The following SMARCB1 variants were observed in gnomAD, a reference collection of about 807,000 sequenced individuals.
SMARCB1 encodes the protein SWI/SNF related BAF chromatin remodeling complex subunit B1, also known as SWI/SNF-related matrix-associated actin-dependent regulator of chromatin subfamily B member 1.
SMARCB1 carries 5 observed loss-of-function variants against 49.0 expected under a neutral mutation model. The ratio of observed to expected loss-of-function variants is 0.10; its 90% CI spans 0.05 to 0.21. The LOEUF (loss-of-function observed/expected upper bound fraction) is 0.21, where lower values mean the gene tolerates loss of function less well. Ranked by LOEUF, SMARCB1 falls within the 10% of genes least tolerant of loss-of-function variation. The probability of loss-of-function intolerance (pLI) is 1.00; values close to 1 mark genes in which losing one functional copy is unlikely to be tolerated. For synonymous variants in SMARCB1, 201 were observed against 200.1 expected (o/e 1.00, Z -0.04); for missense variants, 226 against 509.2 (o/e 0.44, Z 5.35).
At chr22:23,828,116 G>A (rs892481526) in intron 7 of SMARCB1, among the ~76,000 whole-genome samples, 2 of 152,254 alleles carry the variant, frequency 1.3e-5, no homozygotes, top group South Asian at 2.1e-4. Context: ...GCAGTGGCGT[G>A]ATCTCGGCTC....
intron 7 of SMARCB1, among the ~76,000 whole-genome samples, chr22:23,832,914 T>TGAGACCCGGGGCAGATTTGGGTGGTCCTC (rs2030731177): frequency 6.6e-6 from 1 of 152,028 alleles, no homozygotes; most frequent in Non-Finnish European, 1.5e-5. Flanking sequence ...GGGTGGTCCT[T>TGAGACCCGGGGCAGATTTGGGTGGTCCTC]GTGAGACCCA....
At chr22:23,795,509 G>A (rs1020420985) in intron 3 of SMARCB1, among the ~76,000 whole-genome samples, 6 of 152,002 alleles carry the variant, frequency 3.9e-5, no homozygotes, top group East Asian at 2.0e-4. Flanking sequence ...TACAAAGTTA[G>A]CCTCGCATGG....
chr22:23,836,235 C>T lies in SMARCB1; in HGVS notation c.*2055C>T. ...AAAGGGCAGAAGACCTAGTCCTGGCCCTCTTCTGCACCTGAATCCATGGGG... is the reference window on the plus strand; with the variant it reads ...AAAGGGCAGAAGACCTAGTCCTGGCTCTCTTCTGCACCTGAATCCATGGGG... On this transcript the variant is annotated 3_prime_UTR_variant, in exon 9 of 9. Transcript: ENST00000644036. 1.0e-6 allele frequency: 1 copy of T among 985,480 alleles called. No individual in the cohort carries two copies. Among genetic ancestry groups the T allele is most frequent in the Non-Finnish European group, 1.2e-6 (1 of 829,940 alleles). 61.0% of individuals were successfully genotyped at this position (985,480 alleles called of 1,614,324 possible). A position where few individuals can be genotyped will look rare whatever the true frequency, so the allele number is the denominator to read the frequency against.
At chr22:23,790,568 G>T (rs984746036) in intron 1 of SMARCB1, among the ~76,000 whole-genome samples, 4 of 151,902 alleles carry the variant, frequency 2.6e-5, no homozygotes, top group Non-Finnish European at 4.4e-5. Flanking sequence ...ATTAGGCCGG[G>T]TATGTGGCTC....
rs1373298530 is a variant in SMARCB1, at chr22:23,812,883, T to TTA, written c.629-3887_629-3886insTA. Among the ~76,000 whole-genome samples the TTA allele has an allele frequency of 8.1e-5, 12 of 148,658 alleles. No individual in the cohort carries two copies. The East Asian group carries it at 2.1e-3, about 26-fold the overall frequency. ...TGTTGCTATTTTTTTTTTTTTTTTT[T>TTA]AGACGGAGTATTGCTCTGTTGTCTA... is the stretch of plus-strand genomic sequence containing the variant. On this transcript the variant is annotated intron_variant, in intron 5 of 8. Coordinates refer to ENST00000644036, the MANE Select transcript of SMARCB1 (RefSeq NM_003073.5).
rs986093484 is a variant in SMARCB1, at chr22:23,835,938, C to CTGT, written c.*1758_*1759insTGT. 18 of 985,402 alleles carry CTGT rather than the reference C, an allele frequency of 1.8e-5. No individual in the cohort carries two copies. The highest frequency in any genetic ancestry group is 2.3e-4 in the East Asian group (2 of 8,832). 61.0% of individuals were successfully genotyped at this position (985,402 alleles called of 1,614,324 possible). The stretch of plus-strand genomic sequence containing the variant: ...CTGGCTACAACACGGAGGGCAGACT[C>CTGT]AACAGAGAACAGTGTTGTTACCATG... On this transcript the variant is annotated 3_prime_UTR_variant, in exon 9 of 9. Transcript: ENST00000644036.
Position 23,825,481 on chromosome 22 carries a change from CTG to C in SMARCB1, c.986+71_986+72del, listed in dbSNP as rs1195613023. 5.0e-6 allele frequency: 7 copies of C among 1,409,678 alleles called. No homozygotes were observed. The African/African-American group carries it at 8.5e-5, about 17-fold the overall frequency. The allele number at this position is 1,409,678 out of a possible 1,614,324, so 87.3% of individuals were successfully genotyped here. A position where few individuals can be genotyped will look rare whatever the true frequency, so the allele number is the denominator to read the frequency against. On this transcript the variant is annotated intron_variant, in intron 7 of 8. Coordinates refer to ENST00000644036, the MANE Select transcript of SMARCB1 (RefSeq NM_003073.5). The stretch of plus-strand genomic sequence containing the variant: ...CAAAACTGTTTTGAGAAAGACTTCT[CTG>C]TGTGAGCGGTGATACCTTTGAGGCT...
At chr22:23,830,394 T>C (rs1601439994) in intron 7 of SMARCB1, among the ~76,000 whole-genome samples, 2 of 152,230 alleles carry the variant, frequency 1.3e-5, no homozygotes, top group Non-Finnish European at 2.9e-5. Flanking sequence ...TAATGACTGA[T>C]GATATTGAGC....
chr22:23,829,826 T>C (rs1371818614), intron 7 of SMARCB1, among the ~76,000 whole-genome samples: 1 of 152,212 alleles, frequency 6.6e-6, no homozygotes, highest in Non-Finnish European at 1.5e-5. Flanking sequence ...TCCTCCCCGC[T>C]GTCTCTCAGC....
intron 5 of SMARCB1, among the ~76,000 whole-genome samples, chr22:23,809,601 C>T (rs1002933213): frequency 4.6e-5 from 7 of 151,366 alleles, no homozygotes; most frequent in East Asian, 4.0e-4. Context: ...TTAGTAGAGA[C>T]GGGGTTTCAC....
chr22:23,795,303 T>C (rs1369974160), intron 3 of SMARCB1, among the ~76,000 whole-genome samples: 2 of 152,068 alleles, frequency 1.3e-5, no homozygotes, highest in East Asian at 1.9e-4. Flanking sequence ...CTGAGTGTGG[T>C]GATCACACCA....
chr22:23,821,157 G>T lies in SMARCB1; in HGVS notation c.796-4068G>T, dbSNP rs147401922. On this transcript the variant is annotated intron_variant, in intron 6 of 8. Transcript: ENST00000644036. Reference sequence around the variant, plus strand: ...ACTTACCTGTGATTCCCACCTGGGGGATGGTGGCAGCTGGCAGGTTGAGAG... The same window carrying T: ...ACTTACCTGTGATTCCCACCTGGGGTATGGTGGCAGCTGGCAGGTTGAGAG... Among the ~76,000 whole-genome samples, 420 of 152,344 alleles carry T rather than the reference G, an allele frequency of 2.8e-3. 2 individuals are homozygous for T. The highest frequency in any genetic ancestry group is 9.3e-3 in the African/African-American group (387 of 41,586).
chr22:23,800,802 A>G, intron 3 of SMARCB1, 142 bp from the exon 4 acceptor site: 1 of 780,176 alleles, frequency 1.3e-6, no homozygotes, highest in Non-Finnish European at 2.3e-6. Context: ...AGGCTCCTGC[A>G]AAGTCAGGTG....
intron 7 of SMARCB1, among the ~76,000 whole-genome samples, chr22:23,831,849 G>A (rs1394396155): frequency 1.3e-5 from 2 of 152,180 alleles, no homozygotes; most frequent in Admixed American, 1.3e-4. Flanking sequence ...TAAACCACCC[G>A]GTGCTGGCCA....
intron 7 of SMARCB1, chr22:23,825,828 C>T (rs1384099721): frequency 5.2e-6 from 1 of 192,266 alleles, no homozygotes. Context: ...GTCTTAAACA[C>T]AAAGGCCCGC....
chr22:23,798,014 C>T (rs1344588136), intron 3 of SMARCB1, among the ~76,000 whole-genome samples: 2 of 152,160 alleles, frequency 1.3e-5, no homozygotes, highest in African/African-American at 2.4e-5. Context: ...GCATTGTCCA[C>T]TTGAGTTGAT....
At chr22:23,808,091 G>T (rs1929623488) in intron 5 of SMARCB1, among the ~76,000 whole-genome samples, 1 of 151,350 alleles carries the variant, frequency 6.6e-6, no homozygotes, top group Non-Finnish European at 1.5e-5. Context: ...GAGTAGCTGG[G>T]ACTACAGGCG....
Position 23,835,087 on chromosome 22 carries a change from A to T in SMARCB1, c.*907A>T. ...TGGCCTGGGCCAGCTCCTGCCTTACAAGCCAGCTGTGAGGAATATGGGAAT... is the reference window on the plus strand; with the variant it reads ...TGGCCTGGGCCAGCTCCTGCCTTACTAGCCAGCTGTGAGGAATATGGGAAT... On this transcript the variant is annotated 3_prime_UTR_variant, in exon 9 of 9. Coordinates refer to ENST00000644036, the MANE Select transcript of SMARCB1 (RefSeq NM_003073.5). 8.6e-6 allele frequency: 12 copies of T among 1,393,374 alleles called. No homozygotes were observed. In the South Asian group the frequency reaches 2.0e-4, roughly 23 times the overall value. 86.3% of individuals were successfully genotyped at this position (1,393,374 alleles called of 1,614,324 possible). A position where few individuals can be genotyped will look rare whatever the true frequency, so the allele number is the denominator to read the frequency against.
At position 23,800,870 on chromosome 22, in the gene SMARCB1, A is replaced by C. The variant is rs1345515652; in HGVS notation, c.363-74A>C. On this transcript the variant is annotated intron_variant, in intron 3 of 8. Transcript: ENST00000644036. ...ACAGAGGTACAGTGGGCATCCCTGGAGCATTAGTTGATTCCTGGTGGGCAG... is the reference window on the plus strand; with the variant it reads ...ACAGAGGTACAGTGGGCATCCCTGGCGCATTAGTTGATTCCTGGTGGGCAG... The C allele has an allele frequency of 7.1e-6, 8 of 1,128,408 alleles. No individual in the cohort carries two copies. In the East Asian group the frequency reaches 1.9e-4, roughly 26 times the overall value. 69.9% of individuals were successfully genotyped at this position (1,128,408 alleles called of 1,614,324 possible).
Sources: allele counts gnomAD v4.1 joint callset (sites outside exome capture counted in the v4.1 genomes callset), GRCh38; gene constraint gnomAD v4.1.1; transcripts MANE v1.5; gene names NCBI Gene and HGNC (gene_info 2026-07-23, HGNC 2026-07-21).